NEURL1: variants seen among roughly 807,000 people sequenced by gnomAD.
NEURL1 encodes neuralized E3 ubiquitin protein ligase 1.
Under a neutral mutation model 41.2 loss-of-function variants are expected in NEURL1, and 26 were observed. That is an observed-to-expected ratio of 0.63 (90% CI 0.46 to 0.87). The LOEUF (loss-of-function observed/expected upper bound fraction) is 0.87. NEURL1 is among the 40% of genes least tolerant of loss of function. NEURL1 has a pLI of 0.00. For synonymous variants in NEURL1, 400 were observed against 402.3 expected (o/e 0.99, Z 0.07); for missense variants, 761 against 871.1 (o/e 0.87, Z 1.59).
At chr10:103,562,162 A>C (rs187821215) in intron 1 of NEURL1, among the ~76,000 whole-genome samples, 2 of 152,342 alleles carry the variant, frequency 1.3e-5, no homozygotes, top group African/African-American at 4.8e-5. Flanking sequence ...AGGCGGGCAG[A>C]TCATGAGGTC....
intron 1 of NEURL1, among the ~76,000 whole-genome samples, chr10:103,517,969 A>G (rs528257273): frequency 3.3e-5 from 5 of 152,328 alleles, no homozygotes; most frequent in Admixed American, 3.3e-4. Context: ...TCCAATGAAC[A>G]CATCTTTTCT....
intron 1 of NEURL1, among the ~76,000 whole-genome samples, chr10:103,549,461 G>A (rs991878202): frequency 4.6e-5 from 7 of 152,122 alleles, no homozygotes; most frequent in Non-Finnish European, 8.8e-5. Context: ...TTCCAGACTC[G>A]AGGCAGCAGC....
At chr10:103,532,771 T>A (rs1235491837) in intron 1 of NEURL1, among the ~76,000 whole-genome samples, 1 of 152,080 alleles carries the variant, frequency 6.6e-6, no homozygotes, top group African/African-American at 2.4e-5. Context: ...TTGACTATAA[T>A]GGCCTCAGGG....
intron 1 of NEURL1, among the ~76,000 whole-genome samples, chr10:103,559,997 C>CA (rs1375549185): frequency 6.6e-6 from 1 of 151,876 alleles, no homozygotes; most frequent in Non-Finnish European, 1.5e-5. Context: ...CACATATACA[C>CA]AATGCACGCA....
chr10:103,585,211 A>T lies in NEURL1; in HGVS notation c.1325A>T (p.Gln442Leu). ...MLFGLHGTIT[Q>L]IRILGSTILA... ...TTCGGCCTGCACGGGACCATCACGC[A>T]GATCCGCATCCTCGGTGAGTGCCCG... The change falls in exon 4 of 6, where the codon CAG (glutamine) becomes CTG (leucine). Residue 442 changes from glutamine to leucine, a missense_variant. Around this residue, in one of 5 missense-constraint regions of NEURL1, gnomAD observed 443 missense variants for 408.1 expected, o/e 1.09. Transcript: ENST00000369780. 1 of 1,543,560 alleles carries T rather than the reference A, an allele frequency of 6.5e-7. No homozygotes were observed. Among genetic ancestry groups the T allele is most frequent in the Non-Finnish European group, 8.7e-7 (1 of 1,146,928 alleles).
chr10:103,540,790 G>A (rs1182290872), intron 1 of NEURL1, among the ~76,000 whole-genome samples: 2 of 152,164 alleles, frequency 1.3e-5, no homozygotes, highest in Non-Finnish European at 2.9e-5. Flanking sequence ...CCATTGGGGC[G>A]AAGTGAGGGG....
intron 1 of NEURL1, among the ~76,000 whole-genome samples, chr10:103,513,471 G>A (rs1012721584): frequency 5.3e-5 from 8 of 152,254 alleles, no homozygotes; most frequent in East Asian, 1.9e-4. Flanking sequence ...GGCTCACTGA[G>A]GTGCCTGTGC....
intron 4 of NEURL1, among the ~76,000 whole-genome samples, chr10:103,587,210 C>G (rs1179218204): frequency 6.6e-6 from 1 of 152,032 alleles, no homozygotes; most frequent in Non-Finnish European, 1.5e-5. Context: ...TTTCATTGAC[C>G]AGGATATACT....
chr10:103,586,899 A>T (rs1432769051), intron 4 of NEURL1, among the ~76,000 whole-genome samples: 3 of 152,010 alleles, frequency 2.0e-5, no homozygotes, highest in Non-Finnish European at 2.9e-5. Flanking sequence ...AATACAAAAA[A>T]ATTTAGCTGG....
intron 1 of NEURL1, among the ~76,000 whole-genome samples, chr10:103,497,849 GT>G (rs1333203731): frequency 6.6e-6 from 1 of 152,178 alleles, no homozygotes; most frequent in Non-Finnish European, 1.5e-5. Context: ...GGAATCAAGT[GT>G]TTGCTTGGTT....
At chr10:103,520,980 A>G (rs1284902024) in intron 1 of NEURL1, among the ~76,000 whole-genome samples, 1 of 152,142 alleles carries the variant, frequency 6.6e-6, no homozygotes. Context: ...AAGGACTAAG[A>G]ATTGGGAGGA....
At chr10:103,571,269 C>T (rs1251726510) in intron 2 of NEURL1, among the ~76,000 whole-genome samples, 156 bp downstream of exon 2, 1 of 152,218 alleles carries the variant, frequency 6.6e-6, no homozygotes, top group Admixed American at 6.5e-5. Flanking sequence ...CCTCTTCCCT[C>T]TTCCTTATGC....
intron 1 of NEURL1, among the ~76,000 whole-genome samples, chr10:103,523,529 T>C (rs1461196263): frequency 1.3e-5 from 2 of 152,146 alleles, no homozygotes; most frequent in African/African-American, 4.8e-5. Flanking sequence ...TATAGTGCTA[T>C]AGAACACTAG....
intron 1 of NEURL1, among the ~76,000 whole-genome samples, chr10:103,516,992 T>TCCTTCCCTCCATCCTTCCTC (rs1218839294): frequency 6.7e-6 from 1 of 149,440 alleles, no homozygotes; most frequent in African/African-American, 2.5e-5. Context: ...CTTTCTTCCT[T>TCCTTCCCTCCATCCTTCCTC]CCTTCCCTCC....
intron 1 of NEURL1, among the ~76,000 whole-genome samples, chr10:103,506,243 T>G (rs2033943507): frequency 2.0e-5 from 3 of 152,208 alleles, no homozygotes; most frequent in African/African-American, 7.2e-5. Flanking sequence ...GAGGCTGATG[T>G]TCTCCAGGGC....
intron 1 of NEURL1, among the ~76,000 whole-genome samples, chr10:103,538,532 C>T (rs2034746262): frequency 6.6e-6 from 1 of 151,396 alleles, no homozygotes; most frequent in Non-Finnish European, 1.5e-5. Flanking sequence ...GATAGTGCCA[C>T]TGCACTCCAG....
At chr10:103,583,705 CAAAAAAAAAA>C (rs1228630032) in intron 3 of NEURL1, among the ~76,000 whole-genome samples, 4 of 19,558 alleles carry the variant, frequency 2.0e-4, no homozygotes, top group African/African-American at 7.4e-4. Context: ...GATCCTGTCT[CAAAAAAAAAA>C]AAAAAAAAAA....
rs7918186 is a variant in NEURL1 at position 103,590,690 on chromosome 10, C to T, written c.*318C>T. 0.37 allele frequency: 137,228 copies of T among 372,354 alleles called. 27,759 individuals carry two copies. The highest frequency in any genetic ancestry group is 0.54 in the South Asian group (15,582 of 29,102). The allele number at this position is 372,354 out of a possible 1,614,324, so 23.1% of individuals were successfully genotyped here. ...TCAGCCTGCCCTAATCTTTCCCCAT[C>T]TGAGGCAGGTTTCTAGGAGGTGTCT... is the stretch of plus-strand genomic sequence containing the variant. On this transcript the variant is annotated 3_prime_UTR_variant, in exon 6 of 6. Coordinates refer to ENST00000369780, the MANE Select transcript of NEURL1 (RefSeq NM_004210.5).
At chr10:103,578,093 G>A (rs1171564113) in intron 3 of NEURL1, among the ~76,000 whole-genome samples, 1 of 152,070 alleles carries the variant, frequency 6.6e-6, no homozygotes, top group Non-Finnish European at 1.5e-5. Flanking sequence ...TAAGATGCAG[G>A]AGACCCACTG....
Sources: allele counts gnomAD v4.1 joint callset (sites outside exome capture counted in the v4.1 genomes callset), GRCh38; gene constraint gnomAD v4.1.1; regional missense constraint gnomAD v4.1.1; transcripts MANE v1.5; gene names NCBI Gene and HGNC (gene_info 2026-07-23, HGNC 2026-07-21).